The following TIMP2 variants were observed in gnomAD, a reference collection of about 807,000 sequenced individuals.
TIMP2 encodes the protein metalloproteinase inhibitor 2.
TIMP2 carries 5 observed loss-of-function variants against 24.3 expected under a neutral mutation model. The ratio of observed to expected loss-of-function variants is 0.21; its 90% CI spans 0.11 to 0.43. The LOEUF is 0.43. Ranked by LOEUF, TIMP2 falls within the 20% of genes least tolerant of loss-of-function variation. TIMP2 has a pLI of 1.00. For synonymous variants in TIMP2, 130 were observed against 123.2 expected (o/e 1.06, Z -0.37); for missense variants, 221 against 297.5 (o/e 0.74, Z 1.89).
At chr17:78,863,265 G>T (rs1349146324) in intron 3 of TIMP2, among the ~76,000 whole-genome samples, 1 of 151,984 alleles carries the variant, frequency 6.6e-6, no homozygotes, top group East Asian at 1.9e-4. Context: ...TGGGTGGGGG[G>T]ACAGTCTTGC....
At position 78,924,670 on chromosome 17, in the gene TIMP2, A is replaced by G. The variant is rs935802819; in HGVS notation, c.130+289T>C. 1.3e-5 allele frequency among the ~76,000 whole-genome samples: 2 copies of G among 151,672 alleles called. No individual in the cohort carries two copies. The highest frequency in any genetic ancestry group is 2.9e-5 in the Non-Finnish European group (2 of 67,872). ...GGCATCCCAGGGCGCGCCGCCTGCC[A>G]AAAGCCAAACTGGCTCCCTTTCCTG... On this transcript the variant is annotated intron_variant, in intron 1 of 4. Coordinates refer to ENST00000262768, the MANE Select transcript of TIMP2 (RefSeq NM_003255.5). This position sits in a 1 kb window ranked among gnomAD's most constrained non-coding sequence, Gnocchi z 5.3.
In TIMP2 at chr17:78,920,561, T is replaced by A. The variant is rs1355293478; in HGVS notation, c.130+4398A>T. On this transcript the variant is annotated intron_variant, in intron 1 of 4. Coordinates refer to ENST00000262768, the MANE Select transcript of TIMP2 (RefSeq NM_003255.5). The surrounding 1 kb of genome is among the most constrained non-coding windows in gnomAD (Gnocchi z 4.5). Reference sequence around the variant, plus strand: ...AGGGGTCAGTGACTCCCCTGACAGATCCTGTCCCTCCAAGGACGCTGTTCA... The same window carrying A: ...AGGGGTCAGTGACTCCCCTGACAGAACCTGTCCCTCCAAGGACGCTGTTCA... 6.6e-6 allele frequency among the ~76,000 whole-genome samples: 1 copy of A among 152,050 alleles called. No individual in the cohort carries two copies.
At position 78,855,525 on chromosome 17, in the gene TIMP2, G is replaced by C. The variant is rs7224825; in HGVS notation, c.*142C>G. On this transcript the variant is annotated 3_prime_UTR_variant, in exon 5 of 5. Coordinates refer to ENST00000262768, the MANE Select transcript of TIMP2 (RefSeq NM_003255.5). The surrounding 1 kb of genome is among the most constrained non-coding windows in gnomAD (Gnocchi z 6.0). ...CCACAACCATGTCTAAAAGGAGAAG[G>C]GGGGAGCAGAATCATATTAATTTGG... 1.1e-5 allele frequency: 11 copies of C among 995,432 alleles called. No homozygotes were observed. Among genetic ancestry groups the C allele is most frequent in the African/African-American group, 4.9e-5 (3 of 61,544 alleles). The allele number at this position is 995,432 out of a possible 1,614,324, so 61.7% of individuals were successfully genotyped here. A position where few individuals can be genotyped will look rare whatever the true frequency, so the allele number is the denominator to read the frequency against.
At chr17:78,868,339 C>T (rs2069637063) in intron 3 of TIMP2, among the ~76,000 whole-genome samples, 1 of 152,084 alleles carries the variant, frequency 6.6e-6, no homozygotes, top group East Asian at 1.9e-4. Context: ...CAATCTCTGC[C>T]TCCTGGGTTC....
intron 1 of TIMP2, among the ~76,000 whole-genome samples, chr17:78,890,051 AGAGGTACT>A (rs755002917): frequency 1.3e-5 from 2 of 152,166 alleles, no homozygotes; most frequent in Non-Finnish European, 2.9e-5. Flanking sequence ...CCCAGGAGAC[AGAGGTACT>A]GAGTCGAGAC....
chr17:78,919,030 T>A (rs923486255), intron 1 of TIMP2, among the ~76,000 whole-genome samples: 1 of 151,960 alleles, frequency 6.6e-6, no homozygotes. Context: ...ATCCATATGC[T>A]AACTATTCAT....
chr17:78,916,591 C>T (rs1333125408), intron 1 of TIMP2, among the ~76,000 whole-genome samples: 1 of 152,198 alleles, frequency 6.6e-6, no homozygotes, highest in South Asian at 2.1e-4. Flanking sequence ...CCTTCCATCT[C>T]CTGGGTCTTC....
chr17:78,887,650 G>T (rs988274465), intron 1 of TIMP2, among the ~76,000 whole-genome samples: 1 of 151,592 alleles, frequency 6.6e-6, no homozygotes, highest in Admixed American at 6.6e-5. Context: ...CTCTCACAGT[G>T]CTGGGATTAC....
At chr17:78,923,310 GGCC>G (rs1213509729) in intron 1 of TIMP2, among the ~76,000 whole-genome samples, 6 of 150,348 alleles carry the variant, frequency 4.0e-5, no homozygotes, top group Non-Finnish European at 8.9e-5. Flanking sequence ...CCAGCTCAGT[GGCC>G]GCCTTAACTT....
At chr17:78,892,479 A>C in intron 1 of TIMP2, 1 of 1,535,398 alleles carries the variant, frequency 6.5e-7, no homozygotes, top group Non-Finnish European at 8.8e-7. Context: ...AGGGAGCACA[A>C]GTGCAGCTTT....
At chr17:78,885,256 G>A (rs1012011220) in intron 1 of TIMP2, among the ~76,000 whole-genome samples, 3 of 152,224 alleles carry the variant, frequency 2.0e-5, no homozygotes, top group African/African-American at 2.4e-5. Flanking sequence ...AGAGTGAGGC[G>A]CGAACACGGA....
At chr17:78,917,355 G>C (rs149837213) in intron 1 of TIMP2, among the ~76,000 whole-genome samples, 1 of 150,450 alleles carries the variant, frequency 6.6e-6, no homozygotes, top group Non-Finnish European at 1.5e-5. Context: ...GCTTGAACCC[G>C]GGAGGCGGAG....
intron 1 of TIMP2, among the ~76,000 whole-genome samples, chr17:78,900,402 A>T (rs971552172): frequency 5.9e-5 from 9 of 152,112 alleles, no homozygotes; most frequent in Non-Finnish European, 8.8e-5. Context: ...AAAATTAGCC[A>T]GGTGTGGTGG....
At chr17:78,908,085 A>T (rs1393245784) in intron 1 of TIMP2, among the ~76,000 whole-genome samples, 1 of 152,188 alleles carries the variant, frequency 6.6e-6, no homozygotes, top group East Asian at 1.9e-4. Context: ...CAGCGAGTGG[A>T]GATCGCACCA....
At chr17:78,911,786 C>T (rs2070210552) in intron 1 of TIMP2, among the ~76,000 whole-genome samples, 1 of 151,310 alleles carries the variant, frequency 6.6e-6, no homozygotes, top group Admixed American at 6.6e-5. Flanking sequence ...TGGCTCACGC[C>T]TATAATCCCA....
intron 1 of TIMP2, chr17:78,899,947 A>C (rs2070064401): frequency 6.6e-6 from 1 of 152,250 alleles, no homozygotes; most frequent in Non-Finnish European, 1.5e-5. Flanking sequence ...TCGGCCAGAG[A>C]GAGAACATTT....
chr17:78,893,482 T>C (rs1235827945), intron 1 of TIMP2, among the ~76,000 whole-genome samples: 1 of 151,168 alleles, frequency 6.6e-6, no homozygotes, highest in Non-Finnish European at 1.5e-5. Context: ...TAGCGGTGTG[T>C]GTGCAGGGGT....
At chr17:78,868,521 G>A (rs1382432772) in intron 3 of TIMP2, among the ~76,000 whole-genome samples, 1 of 152,100 alleles carries the variant, frequency 6.6e-6, no homozygotes, top group East Asian at 1.9e-4. Flanking sequence ...ACATTGCTGG[G>A]ATTACAGCCA....
chr17:78,923,583 C>T (rs62074407), intron 1 of TIMP2, among the ~76,000 whole-genome samples: 11,732 of 152,208 alleles, frequency 0.077, 625 homozygotes, highest in Non-Finnish European at 0.12. Context: ...CATTATGGCT[C>T]CCTCATCAAA....
Sources: allele counts gnomAD v4.1 joint callset (sites outside exome capture counted in the v4.1 genomes callset), GRCh38; gene constraint gnomAD v4.1.1; non-coding constraint Gnocchi (gnomAD v3.1); transcripts MANE v1.5; gene names NCBI Gene and HGNC (gene_info 2026-07-23, HGNC 2026-07-21).